The following IGF2BP3 variants were observed in gnomAD, a reference collection of about 807,000 sequenced individuals.
IGF2BP3 encodes the protein insulin like growth factor 2 mRNA binding protein 3.
In IGF2BP3, 9 loss-of-function variants were observed where a neutral mutation model predicts 73.8. That is an observed-to-expected ratio of 0.12 (90% CI 0.07 to 0.21). IGF2BP3 has a LOEUF of 0.21. Ranked by LOEUF, IGF2BP3 falls within the 10% of genes least tolerant of loss-of-function variation. The pLI is 1.00. For synonymous variants in IGF2BP3, 258 were observed against 256.7 expected (o/e 1.01, Z -0.05); for missense variants, 542 against 714.0 (o/e 0.76, Z 2.75).
At chr7:23,468,431 C>T (rs1201758164) in intron 2 of IGF2BP3, 51 bp downstream of exon 2, 1 of 1,585,148 alleles carries the variant, frequency 6.3e-7, no homozygotes, top group Admixed American at 1.7e-5. Context: ...AGTCTCTCCA[C>T]CCAATAACGG....
intron 10 of IGF2BP3, among the ~76,000 whole-genome samples, chr7:23,327,236 T>C (rs1422143489): frequency 6.6e-6 from 1 of 151,940 alleles, no homozygotes; most frequent in South Asian, 2.1e-4. Context: ...ATCAGTACTG[T>C]AGTATGTATA....
At chr7:23,415,854 T>A (rs1384500283) in intron 3 of IGF2BP3, among the ~76,000 whole-genome samples, 1 of 152,228 alleles carries the variant, frequency 6.6e-6, no homozygotes, top group Non-Finnish European at 1.5e-5. Context: ...TCAGCACCTG[T>A]GTGATTCTCC....
chr7:23,398,508 A>T (rs1369233674), intron 3 of IGF2BP3, among the ~76,000 whole-genome samples: 3 of 152,178 alleles, frequency 2.0e-5, no homozygotes, highest in Non-Finnish European at 4.4e-5. Flanking sequence ...ACAATGGTTG[A>T]ACTAGTTTAC....
In IGF2BP3 at chr7:23,342,120, G is replaced by A; in HGVS notation, c.1147C>T (p.Pro383Ser). The A allele has an allele frequency of 1.2e-6, 2 of 1,609,146 alleles. No homozygotes were observed. Among genetic ancestry groups the A allele is most frequent in the South Asian group, 2.2e-5 (2 of 90,140 alleles). ...GAAGGGGGCCCTGAGGTGGGAGGTGGCATCCCTGAAGTGGGTGGGAACAGA... is the reference window on the plus strand; with the variant it reads ...GAAGGGGGCCCTGAGGTGGGAGGTGACATCCCTGAAGTGGGTGGGAACAGA... ...LGLFPPTSGMPPPTSGPPSAM... is the reference protein window; with the variant it reads ...LGLFPPTSGMSPPTSGPPSAM... Residue 383 changes from proline to serine, a missense_variant, in exon 10 of 15, where the codon CCA becomes TCA. Coordinates refer to ENST00000258729, the MANE Select transcript of IGF2BP3 (RefSeq NM_006547.3).
At chr7:23,422,834 C>A (rs1369335653) in intron 2 of IGF2BP3, among the ~76,000 whole-genome samples, 2 of 152,228 alleles carry the variant, frequency 1.3e-5, no homozygotes, top group Non-Finnish European at 2.9e-5. Flanking sequence ...CTCGCTCTCT[C>A]ACCCAGGCTG....
chr7:23,351,826 C>T (rs1054663030), intron 5 of IGF2BP3, among the ~76,000 whole-genome samples: 7 of 152,054 alleles, frequency 4.6e-5, no homozygotes, highest in African/African-American at 1.2e-4. Flanking sequence ...CACAAGTTTC[C>T]AAAGGGAACC....
At chr7:23,426,408 A>G (rs937571534) in intron 2 of IGF2BP3, among the ~76,000 whole-genome samples, 2 of 151,890 alleles carry the variant, frequency 1.3e-5, no homozygotes, top group African/African-American at 2.4e-5. Flanking sequence ...ACTTAATACT[A>G]TCTAGTCAGT....
intron 12 of IGF2BP3, among the ~76,000 whole-genome samples, chr7:23,314,284 G>C (rs909522443): frequency 6.6e-6 from 1 of 151,866 alleles, no homozygotes; most frequent in African/African-American, 2.4e-5. Flanking sequence ...CCAGGTTCAA[G>C]TGATTCTCCT....
chr7:23,447,242 A>C (rs1251694491), intron 2 of IGF2BP3, among the ~76,000 whole-genome samples: 2 of 151,992 alleles, frequency 1.3e-5, no homozygotes, highest in African/African-American at 2.4e-5. Context: ...ACCATGGGAG[A>C]CATCAGATAA....
At chr7:23,445,022 C>T (rs1250039699) in intron 2 of IGF2BP3, among the ~76,000 whole-genome samples, 9 of 152,178 alleles carry the variant, frequency 5.9e-5, no homozygotes, top group Non-Finnish European at 8.8e-5. Context: ...TATACCACTG[C>T]ATTCCAGCCT....
intron 3 of IGF2BP3, among the ~76,000 whole-genome samples, chr7:23,392,533 C>T (rs1163401663): frequency 6.6e-6 from 1 of 151,710 alleles, no homozygotes; most frequent in African/African-American, 2.4e-5. Flanking sequence ...CACATACACA[C>T]ACACACACAA....
At chr7:23,424,953 C>T (rs889599463) in intron 2 of IGF2BP3, among the ~76,000 whole-genome samples, 4 of 152,188 alleles carry the variant, frequency 2.6e-5, no homozygotes, top group Non-Finnish European at 4.4e-5. Flanking sequence ...TTATTCTATA[C>T]CCACACCTGT....
In IGF2BP3 at chr7:23,361,572, A is replaced by C; in HGVS notation, c.363T>G (p.Val121=). The part of the protein sequence containing the change: ...EQVNTDSETA[V]VNVTYSSKDQ... ...CCTTACTGGAATAGGTTACATTTAC[A>C]ACTGCAGTTTCCGAGTCAGTGTTCA... is the stretch of plus-strand genomic sequence containing the variant. Residue 121 remains valine, a synonymous_variant, in exon 5 of 15, where the codon GTT becomes GTG. Coordinates refer to ENST00000258729, the MANE Select transcript of IGF2BP3 (RefSeq NM_006547.3). 1 of 1,613,302 alleles carries C rather than the reference A, an allele frequency of 6.2e-7. No individual in the cohort carries two copies. Among genetic ancestry groups the C allele is most frequent in the Non-Finnish European group, 8.5e-7 (1 of 1,179,764 alleles).
intron 2 of IGF2BP3, among the ~76,000 whole-genome samples, chr7:23,467,084 T>C (rs1788582421): frequency 6.6e-6 from 1 of 152,224 alleles, no homozygotes; most frequent in Non-Finnish European, 1.5e-5. Context: ...GCTCAATTTA[T>C]ATGAAAATCA....
At position 23,398,924 on chromosome 7, in the gene IGF2BP3, T is replaced by C. The variant is rs1285665289; in HGVS notation, c.285+19852A>G. Among the ~76,000 whole-genome samples, 7 of 152,344 alleles carry C rather than the reference T, an allele frequency of 4.6e-5. No homozygotes were observed. The South Asian group carries it at 1.4e-3, about 32-fold the overall frequency. ...AGCTCTTTAGTTTAATTAGATCCCA[T>C]TTGTCAATTTTGGCTTTGGTTGCCA... is the stretch of plus-strand genomic sequence containing the variant. On this transcript the variant is annotated intron_variant, in intron 3 of 14. Coordinates refer to ENST00000258729, the MANE Select transcript of IGF2BP3 (RefSeq NM_006547.3).
At chr7:23,463,372 T>G (rs553510626) in intron 2 of IGF2BP3, among the ~76,000 whole-genome samples, 4 of 152,150 alleles carry the variant, frequency 2.6e-5, no homozygotes, top group Non-Finnish European at 5.9e-5. Flanking sequence ...GTGGCAAAGA[T>G]CATTTCCCCC....
intron 3 of IGF2BP3, among the ~76,000 whole-genome samples, chr7:23,364,367 C>G (rs1008034500): frequency 2.0e-5 from 3 of 148,850 alleles, no homozygotes; most frequent in South Asian, 2.1e-4. Context: ...GAGCAAGACT[C>G]CATCTAAAAA....
chr7:23,423,472 C>T (rs1019886873), intron 2 of IGF2BP3, among the ~76,000 whole-genome samples: 1 of 152,096 alleles, frequency 6.6e-6, no homozygotes, highest in East Asian at 1.9e-4. Flanking sequence ...CATTAAAGTT[C>T]AATATAACTA....
chr7:23,404,675 T>A (rs1178605779), intron 3 of IGF2BP3, among the ~76,000 whole-genome samples: 7 of 150,802 alleles, frequency 4.6e-5, no homozygotes, highest in African/African-American at 1.7e-4. Flanking sequence ...TGGAAAGTAA[T>A]ACTGAATAGT....
Sources: gnomAD v4.1 joint callset for allele counts (sites outside exome capture counted in the v4.1 genomes callset) on GRCh38, gnomAD v4.1.1 for gene constraint, MANE v1.5 for transcripts, NCBI Gene and HGNC (gene_info 2026-07-23, HGNC 2026-07-21) for gene names.